The following RCAN2 variants were observed in gnomAD, a reference collection of about 807,000 sequenced individuals.
RCAN2 encodes the protein calcipressin-2.
Under a neutral mutation model 23.6 loss-of-function variants are expected in RCAN2, and 9 were observed. That is an observed-to-expected ratio of 0.38 (90% CI 0.23 to 0.67). RCAN2 has a LOEUF of 0.67. Among genes scored for constraint, RCAN2 ranks in the 30% least tolerant of loss-of-function variants. RCAN2 has a pLI of 0.51. For synonymous variants in RCAN2, 109 were observed against 115.7 expected (o/e 0.94, Z 0.37); for missense variants, 273 against 302.3 (o/e 0.90, Z 0.72).
chr6:46,482,770 G>A (rs905649698), intron 1 of RCAN2, among the ~76,000 whole-genome samples: 1 of 152,198 alleles, frequency 6.6e-6, no homozygotes, highest in African/African-American at 2.4e-5. Flanking sequence ...TAATGGTTGA[G>A]CAAAGAGGAA....
At chr6:46,229,037 T>C (rs975942392) in intron 4 of RCAN2, among the ~76,000 whole-genome samples, 7 of 152,168 alleles carry the variant, frequency 4.6e-5, no homozygotes, top group Non-Finnish European at 8.8e-5. Flanking sequence ...GAAGCTTAGT[T>C]TGGCTGGATA....
intron 4 of RCAN2, among the ~76,000 whole-genome samples, chr6:46,241,160 C>T (rs1420434834): frequency 6.6e-6 from 1 of 152,198 alleles, no homozygotes; most frequent in African/African-American, 2.4e-5. Context: ...CTCTATTTTA[C>T]CATTTTCTGC....
At chr6:46,252,570 G>A (rs959780844) in intron 2 of RCAN2, among the ~76,000 whole-genome samples, 1 of 152,006 alleles carries the variant, frequency 6.6e-6, no homozygotes, top group African/African-American at 2.4e-5. Context: ...AATTACAACT[G>A]AGAAACTTGA....
intron 4 of RCAN2, among the ~76,000 whole-genome samples, chr6:46,232,263 GTA>G (rs1765922564): frequency 6.6e-6 from 1 of 152,244 alleles, no homozygotes; most frequent in East Asian, 1.9e-4. Flanking sequence ...TCGATGCTAA[GTA>G]AGGTTCACTT....
intron 2 of RCAN2, among the ~76,000 whole-genome samples, chr6:46,347,596 A>G (rs904662034): frequency 1.3e-5 from 2 of 152,246 alleles, no homozygotes; most frequent in Admixed American, 1.3e-4. Context: ...TAAGGAGATA[A>G]CATATTTCCT....
chr6:46,365,433 G>A (rs1765140682), intron 2 of RCAN2, among the ~76,000 whole-genome samples: 1 of 150,632 alleles, frequency 6.6e-6, no homozygotes, highest in Non-Finnish European at 1.5e-5. Flanking sequence ...CCGAGATCAT[G>A]CCATTGCACA....
At chr6:46,420,892 G>A (rs1394931214) in intron 2 of RCAN2, among the ~76,000 whole-genome samples, 2 of 152,088 alleles carry the variant, frequency 1.3e-5, no homozygotes, top group African/African-American at 2.4e-5. Flanking sequence ...ACAGACACTA[G>A]GCAGGAGTGA....
chr6:46,339,587 G>A (rs1234498127), intron 2 of RCAN2, among the ~76,000 whole-genome samples: 1 of 152,110 alleles, frequency 6.6e-6, no homozygotes, highest in Non-Finnish European at 1.5e-5. Context: ...GGCTTGACAT[G>A]AACAGCTTTG....
chr6:46,374,457 C>T (rs987046016), intron 2 of RCAN2, among the ~76,000 whole-genome samples: 3 of 152,198 alleles, frequency 2.0e-5, no homozygotes, highest in Admixed American at 6.5e-5. Flanking sequence ...GAATTCTCTT[C>T]CACAGAACGT....
intron 2 of RCAN2, among the ~76,000 whole-genome samples, chr6:46,286,588 T>C (rs978059903): frequency 6.6e-6 from 1 of 152,024 alleles, no homozygotes; most frequent in African/African-American, 2.4e-5. Context: ...CAGGCTGGGG[T>C]GGGAGGATTG....
intron 2 of RCAN2, among the ~76,000 whole-genome samples, chr6:46,428,302 T>C (rs1213809751): frequency 6.6e-6 from 1 of 152,128 alleles, no homozygotes; most frequent in African/African-American, 2.4e-5. Flanking sequence ...AATATAAGAA[T>C]GATGCCAAAA....
chr6:46,363,997 C>A (rs1765094114), intron 2 of RCAN2, among the ~76,000 whole-genome samples: 2 of 152,070 alleles, frequency 1.3e-5, no homozygotes, highest in South Asian at 4.1e-4. Flanking sequence ...GAATTTGCAC[C>A]AGAAAAAAAT....
At chr6:46,459,661 C>T (rs1768155164) in intron 1 of RCAN2, among the ~76,000 whole-genome samples, 1 of 152,088 alleles carries the variant, frequency 6.6e-6, no homozygotes, top group Admixed American at 6.5e-5. Context: ...ACTAACTCAC[C>T]CCATAATTTG....
intron 2 of RCAN2, among the ~76,000 whole-genome samples, chr6:46,455,652 C>T (rs10948292): frequency 0.037 from 5,575 of 151,736 alleles, 202 homozygotes; most frequent in South Asian, 0.12. Flanking sequence ...GTCAGGAGAT[C>T]GAGACCATCC....
chr6:46,355,915 G>A (rs1187927143), intron 2 of RCAN2, among the ~76,000 whole-genome samples: 1 of 152,226 alleles, frequency 6.6e-6, no homozygotes, highest in Non-Finnish European at 1.5e-5. Context: ...ACCTCATGCT[G>A]CTCCACTTGG....
chr6:46,469,289 T>C (rs546165703), intron 1 of RCAN2, among the ~76,000 whole-genome samples: 7 of 152,314 alleles, frequency 4.6e-5, no homozygotes, highest in Middle Eastern at 3.4e-3. Context: ...TAGTGCCATG[T>C]GTTGTTTACA....
chr6:46,325,810 C>T (rs1030666468), intron 2 of RCAN2: 3 of 1,054,450 alleles, frequency 2.8e-6, no homozygotes, highest in Non-Finnish European at 3.4e-6. Context: ...TAAATCTGAA[C>T]TCAGACTAAA....
chr6:46,315,928 TGG>T (rs1160736997), intron 2 of RCAN2, among the ~76,000 whole-genome samples: 10 of 151,240 alleles, frequency 6.6e-5, no homozygotes, highest in Non-Finnish European at 1.2e-4. Flanking sequence ...AAAAGAGGTT[TGG>T]AAGAGACAAG....
chr6:46,258,310 G>T (rs554280424), intron 2 of RCAN2, among the ~76,000 whole-genome samples: 1 of 152,332 alleles, frequency 6.6e-6, no homozygotes, highest in South Asian at 2.1e-4. Context: ...TGGCGTGCAT[G>T]TGAGAGTTCC....
Sources: gnomAD v4.1 joint callset for allele counts (sites outside exome capture counted in the v4.1 genomes callset) on GRCh38, gnomAD v4.1.1 for gene constraint, MANE v1.5 for transcripts, NCBI Gene and HGNC (gene_info 2026-07-23, HGNC 2026-07-21) for gene names.